The following COMMD1 variants were observed in gnomAD, a reference collection of about 807,000 sequenced individuals.
COMMD1 encodes the protein copper metabolism domain containing 1.
Under a neutral mutation model 17.2 loss-of-function variants are expected in COMMD1, and 10 were observed. The observed-to-expected ratio is 0.58, with a 90% CI of 0.36 to 0.99. COMMD1 has a LOEUF of 0.99. Ranked by LOEUF, COMMD1 falls within the 50% of genes least tolerant of loss-of-function variation. The pLI, the probability that COMMD1 is intolerant of heterozygous loss-of-function variation, is 0.01. For missense variants in COMMD1, 270 were observed against 231.8 expected, an observed-to-expected ratio of 1.17 and a Z score of -1.07; for synonymous variants, 97 against 91.6, an observed-to-expected ratio of 1.06 and a Z score of -0.34.
chr2:62,013,310 C>A (rs1669340567), intron 2 of COMMD1, among the ~76,000 whole-genome samples: 1 of 151,968 alleles, frequency 6.6e-6, no homozygotes, highest in East Asian at 1.9e-4. Flanking sequence ...CCTTCATTCT[C>A]TTAATAAGAT....
At chr2:61,953,570 A>G (rs1216808030) in intron 1 of COMMD1, among the ~76,000 whole-genome samples, 1 of 151,044 alleles carries the variant, frequency 6.6e-6, no homozygotes, top group Non-Finnish European at 1.5e-5. Flanking sequence ...GGGTTTCACC[A>G]TGTTCCCCAG....
At chr2:61,966,294 T>C (rs965438368) in intron 1 of COMMD1, among the ~76,000 whole-genome samples, 10 of 152,282 alleles carry the variant, frequency 6.6e-5, no homozygotes, top group African/African-American at 2.4e-4. Flanking sequence ...GATTATTACA[T>C]AGTAGGTGTA....
At chr2:62,124,574 G>C (rs750168394) in intron 2 of COMMD1, among the ~76,000 whole-genome samples, 3 of 152,042 alleles carry the variant, frequency 2.0e-5, no homozygotes, top group Non-Finnish European at 4.4e-5. Context: ...TTTTGAGACA[G>C]AGTCTCACTC....
At chr2:62,082,638 G>T (rs1004958954) in intron 2 of COMMD1, among the ~76,000 whole-genome samples, 4 of 152,072 alleles carry the variant, frequency 2.6e-5, no homozygotes, top group African/African-American at 9.7e-5. Flanking sequence ...GAGGCAGGCG[G>T]ATCACAAGGT....
At chr2:62,135,330 A>G (rs1190752630) in intron 2 of COMMD1, among the ~76,000 whole-genome samples, 3 of 152,042 alleles carry the variant, frequency 2.0e-5, no homozygotes, top group Non-Finnish European at 4.4e-5. Flanking sequence ...TTATTTATCA[A>G]TATGAAACAC....
chr2:61,917,773 C>T (rs1670087275), intron 1 of COMMD1, among the ~76,000 whole-genome samples: 1 of 152,208 alleles, frequency 6.6e-6, no homozygotes, highest in African/African-American at 2.4e-5. Flanking sequence ...CCTCGTGATC[C>T]GCCCGCCTTG....
intron 2 of COMMD1, among the ~76,000 whole-genome samples, chr2:62,070,548 T>TAAAAAA (rs70946779): frequency 7.6e-6 from 1 of 131,108 alleles, no homozygotes. Context: ...ACCCTGTCTC[T>TAAAAAA]AAAAAAAAAA....
intron 2 of COMMD1, among the ~76,000 whole-genome samples, chr2:62,122,338 C>T (rs1376365229): frequency 2.6e-5 from 4 of 152,114 alleles, no homozygotes; most frequent in South Asian, 2.1e-4. Context: ...TATCAAAACT[C>T]GGGAGTCAGA....
At chr2:61,912,568 C>T (rs1229820367) in intron 1 of COMMD1, among the ~76,000 whole-genome samples, 1 of 152,122 alleles carries the variant, frequency 6.6e-6, no homozygotes, top group East Asian at 1.9e-4. Context: ...AATTCCATCT[C>T]TACTAAAAAT....
chr2:62,093,257 C>G (rs1002609377), intron 2 of COMMD1, among the ~76,000 whole-genome samples: 2 of 152,136 alleles, frequency 1.3e-5, no homozygotes, highest in Non-Finnish European at 2.9e-5. Context: ...TTTAAAAGGT[C>G]CTATTGGCAA....
intron 1 of COMMD1, among the ~76,000 whole-genome samples, chr2:61,970,245 A>G (rs1671611737): frequency 6.6e-6 from 1 of 151,580 alleles, no homozygotes; most frequent in South Asian, 2.1e-4. Flanking sequence ...CTGGGCAACA[A>G]GAGGGAAACT....
intron 2 of COMMD1, among the ~76,000 whole-genome samples, chr2:62,098,809 A>G (rs1672092462): frequency 6.6e-6 from 1 of 152,182 alleles, no homozygotes; most frequent in Non-Finnish European, 1.5e-5. Flanking sequence ...GCTGTTTCCA[A>G]TCTGCTACTC....
intron 2 of COMMD1, among the ~76,000 whole-genome samples, chr2:62,037,420 TG>T (rs1322847600): frequency 2.0e-5 from 3 of 152,220 alleles, no homozygotes; most frequent in African/African-American, 7.2e-5. Flanking sequence ...GTAAACTCTA[TG>T]TGGCCATGAT....
At chr2:61,938,095 CCT>C (rs1670647976) in intron 1 of COMMD1, among the ~76,000 whole-genome samples, 1 of 152,098 alleles carries the variant, frequency 6.6e-6, no homozygotes, top group African/African-American at 2.4e-5. Flanking sequence ...AGAGGGCTCT[CCT>C]CTACCAACTA....
At chr2:61,897,789 C>G (rs1426844900) in intron 1 of COMMD1, among the ~76,000 whole-genome samples, 1 of 152,106 alleles carries the variant, frequency 6.6e-6, no homozygotes, top group Non-Finnish European at 1.5e-5. Context: ...CATGTAAACT[C>G]TTTATCCCTA....
At chr2:61,987,880 A>G (rs1219782548) in intron 1 of COMMD1, among the ~76,000 whole-genome samples, 2 of 151,944 alleles carry the variant, frequency 1.3e-5, no homozygotes, top group Non-Finnish European at 2.9e-5. Context: ...TGGCACCGAA[A>G]CCACAAGACA....
intron 1 of COMMD1, among the ~76,000 whole-genome samples, chr2:61,891,112 C>T (rs1669419123): frequency 6.6e-6 from 1 of 152,106 alleles, no homozygotes; most frequent in Admixed American, 6.6e-5. Flanking sequence ...GTCTCATTTT[C>T]CTCATCTGTA....
Position 62,058,205 on chromosome 2 carries a change from G to A in COMMD1, c.462+57223G>A, listed in dbSNP as rs10180084. On this transcript the variant is annotated intron_variant, in intron 2 of 2. Coordinates refer to ENST00000311832, the MANE Select transcript of COMMD1 (RefSeq NM_152516.4). ...TATATTTTGTGAAGTTGTTAGTGTA[G>A]TATTTACAAATGTCAATTAGATTAA... 7.5e-3 allele frequency among the ~76,000 whole-genome samples: 1,146 copies of A among 152,300 alleles called. 16 individuals are homozygous for A. The highest frequency in any genetic ancestry group is 0.025 in the African/African-American group (1,059 of 41,564).
At chr2:61,979,215 C>T (rs931389144) in intron 1 of COMMD1, among the ~76,000 whole-genome samples, 4 of 151,862 alleles carry the variant, frequency 2.6e-5, no homozygotes, top group African/African-American at 4.8e-5. Context: ...GAGAATAGGC[C>T]AGAATGTAAT....
Sources: allele counts gnomAD v4.1 joint callset (sites outside exome capture counted in the v4.1 genomes callset), GRCh38; gene constraint gnomAD v4.1.1; transcripts MANE v1.5; gene names NCBI Gene and HGNC (gene_info 2026-07-23, HGNC 2026-07-21).